The following UBE3D variants were observed in gnomAD, a reference collection of about 807,000 sequenced individuals.
The protein encoded by UBE3D is ubiquitin protein ligase E3D, also known as E3 ubiquitin-protein ligase E3D.
Under a neutral mutation model 49.6 loss-of-function variants are expected in UBE3D, and 48 were observed. The ratio of observed to expected loss-of-function variants is 0.97; its 90% CI spans 0.77 to 1.23. UBE3D has a LOEUF of 1.23. Ranked by LOEUF, UBE3D falls within the 50% of genes most tolerant of loss-of-function variation. The probability of loss-of-function intolerance (pLI) is 0.00; values close to 1 mark genes in which losing one functional copy is unlikely to be tolerated. For synonymous variants in UBE3D, 189 were observed against 174.2 expected, an observed-to-expected ratio of 1.08 and a Z score of -0.67; for missense variants, 452 against 468.4, an observed-to-expected ratio of 0.96 and a Z score of 0.32.
chr6:83,057,965 C>T lies in UBE3D; in HGVS notation c.135G>A (p.Gln45=), dbSNP rs755223808. ...CTGTGCAGCCTTCAGGGGTTTTCAT[C>T]TGGAGTGAAGATGGCATTATGGAAA... The part of the protein sequence containing the change: ...MNISIMPSSL[Q]MKTPEGCTEI... Residue 45 remains glutamine (Q), a synonymous_variant, in exon 2 of 10, where the codon CAG becomes CAA. Coordinates refer to ENST00000369747, the MANE Select transcript of UBE3D (RefSeq NM_198920.3). The T allele has an allele frequency of 1.9e-5, 31 of 1,614,054 alleles. 1 individual carries two copies. The highest frequency in any genetic ancestry group is 1.2e-4 in the Admixed American group (7 of 59,996).
chr6:82,906,418 T>C (rs959528748), intron 9 of UBE3D, among the ~76,000 whole-genome samples: 1 of 152,220 alleles, frequency 6.6e-6, no homozygotes, highest in Non-Finnish European at 1.5e-5. Flanking sequence ...TCACTGATAC[T>C]CAAACCTGCC....
chr6:83,059,166 G>C (rs112013068), intron 1 of UBE3D, among the ~76,000 whole-genome samples: 5,054 of 152,180 alleles, frequency 0.033, 118 homozygotes, highest in Admixed American at 0.064. Context: ...AGGATGGTTT[G>C]AGCCAAGAAG....
chr6:82,904,104 T>C (rs904664106), intron 9 of UBE3D, among the ~76,000 whole-genome samples: 3 of 152,158 alleles, frequency 2.0e-5, no homozygotes, highest in African/African-American at 4.8e-5. Flanking sequence ...TGAATTCTAA[T>C]TGATATGAAA....
intron 9 of UBE3D, among the ~76,000 whole-genome samples, chr6:82,931,980 T>G (rs987437119): frequency 2.0e-5 from 3 of 152,134 alleles, no homozygotes; most frequent in African/African-American, 7.2e-5. Flanking sequence ...ATTACCCTCA[T>G]GCTGTCTCCT....
At chr6:82,996,960 C>T (rs1404882860) in intron 8 of UBE3D, among the ~76,000 whole-genome samples, 3 of 152,020 alleles carry the variant, frequency 2.0e-5, no homozygotes, top group African/African-American at 7.3e-5. Flanking sequence ...TAGCAGTGCA[C>T]CAATGTTGGT....
chr6:82,928,324 C>T (rs1773905800), intron 9 of UBE3D, among the ~76,000 whole-genome samples: 2 of 152,052 alleles, frequency 1.3e-5, no homozygotes, highest in African/African-American at 2.4e-5. Context: ...CAACAAGTCT[C>T]TCAGGGACTT....
At chr6:83,054,338 A>G in intron 2 of UBE3D, 100 bp from the exon 3 acceptor site, 2 of 857,814 alleles carry the variant, frequency 2.3e-6, no homozygotes, top group Non-Finnish European at 1.9e-6. Flanking sequence ...ATCCATAAAC[A>G]GTTTATGATC....
chr6:83,056,396 C>T (rs191987943), intron 2 of UBE3D, among the ~76,000 whole-genome samples: 15 of 152,276 alleles, frequency 9.9e-5, no homozygotes, highest in Non-Finnish European at 2.9e-5. Context: ...AAGGTGATGA[C>T]AACACAACAT....
At chr6:82,916,469 A>G (rs1408713339) in intron 9 of UBE3D, among the ~76,000 whole-genome samples, 3 of 152,236 alleles carry the variant, frequency 2.0e-5, no homozygotes, top group Non-Finnish European at 4.4e-5. Context: ...TAGTTTCCAG[A>G]GGTTCACACT....
At chr6:83,051,631 G>A (rs1435397155) in intron 3 of UBE3D, among the ~76,000 whole-genome samples, 1 of 152,168 alleles carries the variant, frequency 6.6e-6, no homozygotes, top group African/African-American at 2.4e-5. Context: ...AAAATAGATT[G>A]AGAGAAGGAA....
intron 6 of UBE3D, among the ~76,000 whole-genome samples, 184 bp downstream of exon 6, chr6:83,023,785 C>A (rs1389056063): frequency 1.3e-5 from 2 of 152,134 alleles, no homozygotes; most frequent in African/African-American, 2.4e-5. Context: ...GTACAGTGAA[C>A]AGTGCTTGTG....
intron 8 of UBE3D, among the ~76,000 whole-genome samples, chr6:82,996,189 G>A (rs1049660899): frequency 6.6e-6 from 1 of 152,100 alleles, no homozygotes; most frequent in Non-Finnish European, 1.5e-5. Context: ...GGTGAGTCTG[G>A]AGTATTTTGT....
At chr6:82,958,135 G>T (rs1776299021) in intron 8 of UBE3D, among the ~76,000 whole-genome samples, 1 of 152,134 alleles carries the variant, frequency 6.6e-6, no homozygotes. Flanking sequence ...CCAAGGGCTA[G>T]AGAAGTAAAG....
chr6:82,943,292 C>G (rs1273519876), intron 9 of UBE3D, among the ~76,000 whole-genome samples: 2 of 152,008 alleles, frequency 1.3e-5, no homozygotes, highest in South Asian at 2.1e-4. Context: ...GTCCCCCTGA[C>G]AGGGAAAGCA....
intron 9 of UBE3D, among the ~76,000 whole-genome samples, chr6:82,917,695 G>A (rs145225525): frequency 2.0e-5 from 3 of 152,194 alleles, no homozygotes; most frequent in African/African-American, 7.2e-5. Context: ...ACTAGGTGGG[G>A]GAAAGGCAGA....
chr6:83,024,935 T>C (rs1416103329), intron 5 of UBE3D, among the ~76,000 whole-genome samples: 3 of 152,294 alleles, frequency 2.0e-5, no homozygotes, highest in Middle Eastern at 3.4e-3. Flanking sequence ...AGTGTGAGAA[T>C]TGATTGAGGG....
chr6:82,956,266 C>T (rs1338330772), intron 9 of UBE3D, among the ~76,000 whole-genome samples: 1 of 152,130 alleles, frequency 6.6e-6, no homozygotes, highest in Non-Finnish European at 1.5e-5. Flanking sequence ...CACCAGCATC[C>T]GAGGGCTCGT....
At chr6:82,988,395 G>T (rs1041563257) in intron 8 of UBE3D, among the ~76,000 whole-genome samples, 1 of 151,868 alleles carries the variant, frequency 6.6e-6, no homozygotes, top group African/African-American at 2.4e-5. Context: ...TTATGAATTC[G>T]GTTAGAACTT....
At chr6:82,994,308 T>G (rs1418346467) in intron 8 of UBE3D, among the ~76,000 whole-genome samples, 1 of 152,192 alleles carries the variant, frequency 6.6e-6, no homozygotes, top group Non-Finnish European at 1.5e-5. Flanking sequence ...ATAGAAAGTT[T>G]AGAGTCCCAT....
Sources: gnomAD v4.1 joint callset for allele counts (sites outside exome capture counted in the v4.1 genomes callset) on GRCh38, gnomAD v4.1.1 for gene constraint, MANE v1.5 for transcripts, NCBI Gene and HGNC (gene_info 2026-07-23, HGNC 2026-07-21) for gene names.